The following KRT8 variants were observed in gnomAD, a reference collection of about 807,000 sequenced individuals.
KRT8 encodes keratin, type II cytoskeletal 8.
In KRT8, 24 loss-of-function variants were observed where a neutral mutation model predicts 43.0. That is an observed-to-expected ratio of 0.56 (90% CI 0.40 to 0.78). The LOEUF (loss-of-function observed/expected upper bound fraction) is 0.78, where lower values mean the gene tolerates loss of function less well. Among genes scored for constraint, KRT8 ranks in the 30% least tolerant of loss-of-function variants. The probability of loss-of-function intolerance (pLI) is 0.00; values close to 1 mark genes in which losing one functional copy is unlikely to be tolerated. For missense variants in KRT8, 492 were observed against 638.4 expected, an observed-to-expected ratio of 0.77 and a Z score of 2.47; for synonymous variants, 214 against 261.2, an observed-to-expected ratio of 0.82 and a Z score of 1.74.
intron 2 of KRT8, among the ~76,000 whole-genome samples, chr12:52,932,280 G>C (rs1490661035): frequency 6.6e-6 from 1 of 151,522 alleles, no homozygotes. Flanking sequence ...GTAGAGACAG[G>C]GTTTCACCAT....
At chr12:52,915,303 G>A (rs529082572) in intron 2 of KRT8, among the ~76,000 whole-genome samples, 26 of 151,464 alleles carry the variant, frequency 1.7e-4, no homozygotes, top group African/African-American at 5.6e-4. Context: ...AACCCCAGGG[G>A]ACGGAGCCTG....
intron 2 of KRT8, among the ~76,000 whole-genome samples, chr12:52,935,645 ATT>A (rs777479340): frequency 4.9e-5 from 7 of 142,930 alleles, no homozygotes; most frequent in Non-Finnish European, 4.6e-5. Flanking sequence ...AAATTTCATA[ATT>A]TTTTTTTTTT....
intron 2 of KRT8, among the ~76,000 whole-genome samples, chr12:52,934,237 A>C (rs1302195228): frequency 1.3e-5 from 2 of 151,068 alleles, no homozygotes; most frequent in Non-Finnish European, 3.0e-5. Flanking sequence ...TCAGAAAAGG[A>C]AAAAAAATAA....
intron 2 of KRT8, among the ~76,000 whole-genome samples, chr12:52,920,062 G>A (rs1941852216): frequency 6.6e-6 from 1 of 152,222 alleles, no homozygotes; most frequent in Non-Finnish European, 1.5e-5. Context: ...TTGAACCCAA[G>A]TCTGGAGTAA....
intron 2 of KRT8, among the ~76,000 whole-genome samples, chr12:52,935,965 T>C (rs1942162843): frequency 6.6e-6 from 1 of 152,096 alleles, no homozygotes; most frequent in South Asian, 2.1e-4. Flanking sequence ...ATAAAAATTC[T>C]AGATAAGGCT....
At chr12:52,907,510 C>T (rs1941546213), upstream of KRT8, among the ~76,000 whole-genome samples, 1 of 152,196 alleles carries the variant, frequency 6.6e-6, no homozygotes, top group Non-Finnish European at 1.5e-5. Flanking sequence ...CCTGAAATTC[C>T]AGTCCCCTCC....
At chr12:52,936,071 G>T (rs1017943655) in intron 2 of KRT8, among the ~76,000 whole-genome samples, 11 of 151,680 alleles carry the variant, frequency 7.3e-5, no homozygotes, top group African/African-American at 2.7e-4. Flanking sequence ...GGTGAACATG[G>T]TGAAACCCCG....
intron 2 of KRT8, among the ~76,000 whole-genome samples, chr12:52,940,452 A>T (rs1371200660): frequency 6.7e-6 from 1 of 149,520 alleles, no homozygotes; most frequent in Non-Finnish European, 1.5e-5. Flanking sequence ...AAAAAAAAAG[A>T]AAAGTAAAAA....
At position 52,898,662 on chromosome 12, in the gene KRT8, G is replaced by A. The variant is rs547461453; in HGVS notation, c.1202+17C>T. On this transcript the variant is annotated intron_variant, in intron 6 of 7. Transcript: ENST00000692008. ...AGGGATAGGGAAGCAGGTCCGGTCA[G>A]AGGTACCCACACCCACCGGCTCTCC... The A allele has an allele frequency of 8.6e-5, 139 of 1,614,144 alleles. No individual in the cohort carries two copies. The East Asian group carries it at 2.7e-3, about 31-fold the overall frequency.
At position 52,937,960 on chromosome 12, in the gene KRT8, A is replaced by G. The variant is rs183709832; in HGVS notation, c.-47+11496T>C. 1.5e-4 allele frequency among the ~76,000 whole-genome samples: 22 copies of G among 147,456 alleles called. No homozygotes were observed. In the East Asian group the frequency reaches 2.6e-3, roughly 18 times the overall value. ...GGCTGCAGTGAGCCGAGATCGTGCC[A>G]TTGCACTCCAGCCTGGGCAAAAGAA... On this transcript the variant is annotated intron_variant, in intron 2 of 6. Coordinates refer to the KRT8 transcript ENST00000546826.
intron 1 of KRT8, among the ~76,000 whole-genome samples, chr12:52,904,384 C>G (rs1298315279): frequency 3.3e-5 from 5 of 152,056 alleles, no homozygotes; most frequent in Non-Finnish European, 7.4e-5. Context: ...TAGGCTGTAC[C>G]CTTAAGTTGT....
intron 2 of KRT8, among the ~76,000 whole-genome samples, chr12:52,934,067 C>A (rs1942127016): frequency 6.7e-6 from 1 of 148,766 alleles, no homozygotes; most frequent in South Asian, 2.1e-4. Flanking sequence ...GTCTCTAACT[C>A]AAAATACAAA....
intron 7 of KRT8, among the ~76,000 whole-genome samples, chr12:52,898,034 T>C (rs537723979): frequency 6.6e-6 from 1 of 152,230 alleles, no homozygotes; most frequent in Non-Finnish European, 1.5e-5. Context: ...CATGGTGGTA[T>C]GCGCCTGTAG....
chr12:52,928,379 T>C (rs1942029473), intron 2 of KRT8, among the ~76,000 whole-genome samples: 1 of 152,052 alleles, frequency 6.6e-6, no homozygotes, highest in South Asian at 2.1e-4. Context: ...CCCCTACCAT[T>C]ATGCATGTCC....
intron 2 of KRT8, among the ~76,000 whole-genome samples, chr12:52,936,807 GC>G (rs974755312): frequency 6.6e-6 from 1 of 152,104 alleles, no homozygotes; most frequent in African/African-American, 2.4e-5. Flanking sequence ...GAGGCACTGT[GC>G]CCAGCTGCTA....
Position 52,915,710 on chromosome 12 carries a change from G to A in KRT8, c.-46-10683C>T, listed in dbSNP as rs143996527. On this transcript the variant is annotated intron_variant, in intron 2 of 6. Transcript: ENST00000546826. ...AGCCTGGGTAACAGAGCAAGACTCCGTCTCAAAAAAAAAAGAAGAGAAAAG... is the reference window on the plus strand; with the variant it reads ...AGCCTGGGTAACAGAGCAAGACTCCATCTCAAAAAAAAAAGAAGAGAAAAG... 6.4e-4 allele frequency among the ~76,000 whole-genome samples: 96 copies of A among 151,026 alleles called. 1 individual carries two copies. The highest frequency in any genetic ancestry group is 2.1e-3 in the African/African-American group (85 of 41,170).
At chr12:52,897,736 T>C (rs1367814298) in intron 7 of KRT8, 118 bp from the exon 8 acceptor site, 2 of 1,402,380 alleles carry the variant, frequency 1.4e-6, no homozygotes, top group Non-Finnish European at 2.0e-6. Flanking sequence ...AACCCAGCTC[T>C]GCCTGATCAG....
chr12:52,924,061 G>A lies in KRT8; in HGVS notation c.-46-19034C>T, dbSNP rs376851652. Reference sequence around the variant, plus strand: ...GGGGTTTTACCATGTTGGCCAGGCTGGCCTCAAACTCCTGACCTCAGGTGA... The same window carrying A: ...GGGGTTTTACCATGTTGGCCAGGCTAGCCTCAAACTCCTGACCTCAGGTGA... On this transcript the variant is annotated intron_variant, in intron 2 of 6. Coordinates refer to the KRT8 transcript ENST00000546826. Among the ~76,000 whole-genome samples, 237 of 151,988 alleles carry A rather than the reference G, an allele frequency of 1.6e-3. 1 individual carries two copies. The highest frequency in any genetic ancestry group is 2.8e-3 in the Non-Finnish European group (188 of 68,028).
intron 2 of KRT8, among the ~76,000 whole-genome samples, chr12:52,922,699 A>C (rs1349170995): frequency 1.3e-5 from 2 of 152,180 alleles, no homozygotes; most frequent in Non-Finnish European, 2.9e-5. Context: ...CAAACCTATA[A>C]GGAAAGTACA....
Sources: allele counts gnomAD v4.1 joint callset (sites outside exome capture counted in the v4.1 genomes callset), GRCh38; gene constraint gnomAD v4.1.1; transcripts MANE v1.5; gene names NCBI Gene and HGNC (gene_info 2026-07-23, HGNC 2026-07-21).